PRKCQ: variants seen among roughly 807,000 people sequenced by gnomAD.
PRKCQ encodes the protein protein kinase C theta, also known as protein kinase C theta type.
In PRKCQ, 41 loss-of-function variants were observed where a neutral mutation model predicts 91.2. The observed-to-expected ratio is 0.45, with a 90% CI of 0.35 to 0.58. PRKCQ has a LOEUF of 0.58. PRKCQ is among the 20% of genes least tolerant of loss of function. PRKCQ has a pLI of 0.00. For synonymous variants in PRKCQ, 307 were observed against 316.9 expected, an observed-to-expected ratio of 0.97 and a Z score of 0.33; for missense variants, 673 against 896.5, an observed-to-expected ratio of 0.75 and a Z score of 3.18.
At chr10:6,483,157 C>T (rs925987557) in intron 11 of PRKCQ, among the ~76,000 whole-genome samples, 2 of 152,200 alleles carry the variant, frequency 1.3e-5, no homozygotes, top group African/African-American at 2.4e-5. Context: ...GTGGCTGAGG[C>T]ACCTTCCTAT....
chr10:6,547,385 T>C (rs571433546), intron 1 of PRKCQ, among the ~76,000 whole-genome samples: 3 of 151,142 alleles, frequency 2.0e-5, no homozygotes, highest in Admixed American at 6.6e-5. Flanking sequence ...AAAACTACTT[T>C]AAAGTTCATA....
At chr10:6,535,679 C>T (rs960041198) in intron 1 of PRKCQ, among the ~76,000 whole-genome samples, 27 of 152,152 alleles carry the variant, frequency 1.8e-4, no homozygotes, top group African/African-American at 5.8e-4. Flanking sequence ...CTGCACTGAG[C>T]GCTGTTTCAA....
At chr10:6,520,237 T>G (rs999059161) in intron 1 of PRKCQ, among the ~76,000 whole-genome samples, 4 of 152,186 alleles carry the variant, frequency 2.6e-5, no homozygotes, top group African/African-American at 9.7e-5. Flanking sequence ...AACTTGCCTT[T>G]TCCTTCATTT....
chr10:6,429,143 G>A (rs1833280157), intron 17 of PRKCQ, among the ~76,000 whole-genome samples: 1 of 152,244 alleles, frequency 6.6e-6, no homozygotes. Context: ...CTGGGGCTGT[G>A]AGGTCAATGG....
intron 15 of PRKCQ, among the ~76,000 whole-genome samples, chr10:6,447,436 C>T (rs556375578): frequency 6.6e-6 from 1 of 151,592 alleles, no homozygotes; most frequent in South Asian, 2.1e-4. Context: ...ACGATATTTC[C>T]CTGTTTAACT....
Position 6,501,827 on chromosome 10 carries a change from GA to G in PRKCQ, c.380-3270del, listed in dbSNP as rs533459060. 1.4e-3 allele frequency among the ~76,000 whole-genome samples: 199 copies of G among 147,002 alleles called. 5 individuals are homozygous for G. In the South Asian group the frequency reaches 0.032, roughly 24 times the overall value. On this transcript the variant is annotated intron_variant, in intron 4 of 17. Coordinates refer to ENST00000263125, the MANE Select transcript of PRKCQ (RefSeq NM_006257.5). ...CGACATGAGCGAAACTCTGTCTCAA[GA>G]AAAAAAAAATACATAAAAAAATTAA...
chr10:6,477,036 G>A (rs2130757958), intron 12 of PRKCQ, among the ~76,000 whole-genome samples: 1 of 152,306 alleles, frequency 6.6e-6, no homozygotes, highest in Non-Finnish European at 1.5e-5. Context: ...GTTCCAGCCT[G>A]CTCCCTGCAG....
At chr10:6,472,682 T>C (rs1398246954) in intron 12 of PRKCQ, among the ~76,000 whole-genome samples, 1 of 152,222 alleles carries the variant, frequency 6.6e-6, no homozygotes, top group Non-Finnish European at 1.5e-5. Context: ...AATTAAACAA[T>C]TGTCAGGGAC....
intron 15 of PRKCQ, among the ~76,000 whole-genome samples, chr10:6,454,836 A>C (rs1834922909): frequency 6.6e-6 from 1 of 152,094 alleles, no homozygotes; most frequent in African/African-American, 2.4e-5. Flanking sequence ...AGAGAAGAGG[A>C]CCAAGCACTG....
At chr10:6,481,694 A>G (rs775971444) in intron 11 of PRKCQ, among the ~76,000 whole-genome samples, 24 of 152,228 alleles carry the variant, frequency 1.6e-4, no homozygotes, top group Non-Finnish European at 2.9e-4. Flanking sequence ...TTAATATTAA[A>G]TAAACTGGGT....
intron 1 of PRKCQ, 122 bp from the exon 2 acceptor site, chr10:6,515,266 C>T (rs1326500213): frequency 6.5e-7 from 1 of 1,549,140 alleles, no homozygotes; most frequent in Non-Finnish European, 8.7e-7. Flanking sequence ...GGTCCACTAT[C>T]CATGTGAACA....
At chr10:6,417,215 G>C in the PRKCQ span, among the ~76,000 whole-genome samples, 1 of 152,280 alleles carries the variant, frequency 6.6e-6, no homozygotes, top group African/African-American at 2.4e-5. Flanking sequence ...GTTAAAAGTG[G>C]GTAGTTTCTA....
chr10:6,464,165 C>A, intron 13 of PRKCQ, 148 bp downstream of exon 13: 2 of 736,820 alleles, frequency 2.7e-6, no homozygotes, highest in East Asian at 2.6e-5. Context: ...GTTTCACAAC[C>A]TGGGAAAACT....
chr10:6,565,300 G>A (rs1303059080), intron 1 of PRKCQ, among the ~76,000 whole-genome samples: 2 of 152,162 alleles, frequency 1.3e-5, no homozygotes, highest in Non-Finnish European at 2.9e-5. Flanking sequence ...TTTTCCTGGA[G>A]AAAAGTGACT....
intron 1 of PRKCQ, among the ~76,000 whole-genome samples, chr10:6,558,047 C>T (rs190602778): frequency 7.6e-4 from 116 of 152,030 alleles, no homozygotes; most frequent in African/African-American, 2.6e-3. Flanking sequence ...TGCTCTTTCA[C>T]GCTGCCTTTT....
chr10:6,435,541 C>T (rs374070743), intron 16 of PRKCQ, among the ~76,000 whole-genome samples: 7 of 152,256 alleles, frequency 4.6e-5, no homozygotes, highest in African/African-American at 1.7e-4. Flanking sequence ...AGAGAAAGTT[C>T]ATGGAAGTTT....
At chr10:6,444,998 C>T (rs890630341) in intron 15 of PRKCQ, among the ~76,000 whole-genome samples, 1 of 151,948 alleles carries the variant, frequency 6.6e-6, no homozygotes, top group African/African-American at 2.4e-5. Context: ...GTGGCGCACG[C>T]CTGTAATCCC....
At chr10:6,542,396 C>T (rs1445162563) in intron 1 of PRKCQ, among the ~76,000 whole-genome samples, 2 of 152,214 alleles carry the variant, frequency 1.3e-5, no homozygotes, top group African/African-American at 2.4e-5. Context: ...TAAGTCCTCT[C>T]TTCAGTAATA....
At chr10:6,437,991 AAAATT>A (rs1833786509) in intron 16 of PRKCQ, among the ~76,000 whole-genome samples, 1 of 152,224 alleles carries the variant, frequency 6.6e-6, no homozygotes, top group Non-Finnish European at 1.5e-5. Context: ...CCTTTTTAAA[AAAATT>A]GGTTAATTTT....
Sources: allele counts gnomAD v4.1 joint callset (sites outside exome capture counted in the v4.1 genomes callset), GRCh38; gene constraint gnomAD v4.1.1; transcripts MANE v1.5; gene names NCBI Gene and HGNC (gene_info 2026-07-23, HGNC 2026-07-21).